Variants in PDE4B observed in about 807,000 individuals in gnomAD.
The protein encoded by PDE4B is 3',5'-cyclic-AMP phosphodiesterase 4B.
Under a neutral mutation model 82.2 loss-of-function variants are expected in PDE4B, and 20 were observed. That is an observed-to-expected ratio of 0.24 (90% CI 0.17 to 0.35). PDE4B has a LOEUF of 0.35. Ranked by LOEUF, PDE4B falls within the 10% of genes least tolerant of loss-of-function variation. The pLI is 1.00. For missense variants in PDE4B, 655 were observed against 907.2 expected, an observed-to-expected ratio of 0.72 and a Z score of 3.57; for synonymous variants, 320 against 318.9, an observed-to-expected ratio of 1.00 and a Z score of -0.04.
chr1:65,877,231 A>G (rs1386601150), intron 1 of PDE4B, among the ~76,000 whole-genome samples: 3 of 152,116 alleles, frequency 2.0e-5, no homozygotes, highest in Non-Finnish European at 4.4e-5. Flanking sequence ...AGAACAGAGG[A>G]CTCAGAAATA....
In PDE4B at chr1:65,913,344, G is replaced by A; in HGVS notation, c.30G>A (p.Val10=). 6.2e-7 allele frequency: 1 copy of A among 1,613,712 alleles called. No individual in the cohort carries two copies. The highest frequency in any genetic ancestry group is 8.5e-7 in the Non-Finnish European group (1 of 1,179,646). The change falls in exon 2 of 17, where the codon GTG becomes GTA. Residue 10 remains valine, a synonymous_variant. Coordinates refer to ENST00000341517, the MANE Select transcript of PDE4B (RefSeq NM_002600.4). ...AGAAAAGCAGGAGTGTGATGACGGTGATGGCTGATGATGTAAGTTTCAAAA... is the reference window on the plus strand; with the variant it reads ...AGAAAAGCAGGAGTGTGATGACGGTAATGGCTGATGATGTAAGTTTCAAAA... MKKSRSVMT[V]MADDNVKDYF... is the part of the protein sequence containing the mutation.
intron 3 of PDE4B, among the ~76,000 whole-genome samples, chr1:66,062,279 T>C (rs914521267): frequency 6.6e-6 from 1 of 152,126 alleles, no homozygotes; most frequent in Non-Finnish European, 1.5e-5. Flanking sequence ...AACTCATTGG[T>C]GCTAATCTTG....
At chr1:66,325,057 A>G (rs149874178) in intron 7 of PDE4B, among the ~76,000 whole-genome samples, 2 of 152,354 alleles carry the variant, frequency 1.3e-5, no homozygotes, top group African/African-American at 4.8e-5. Context: ...TTGCATAAAG[A>G]GATGCCAATT....
chr1:66,085,149 C>T (rs775885711), intron 3 of PDE4B, among the ~76,000 whole-genome samples: 5 of 152,170 alleles, frequency 3.3e-5, no homozygotes, highest in Non-Finnish European at 7.4e-5. Flanking sequence ...CATGCACATC[C>T]CTGTGCCCTA....
chr1:66,095,248 A>G (rs1393375838), intron 3 of PDE4B, among the ~76,000 whole-genome samples: 1 of 151,920 alleles, frequency 6.6e-6, no homozygotes. Context: ...TATAGCTTGC[A>G]ATCTTGAGCA....
intron 3 of PDE4B, among the ~76,000 whole-genome samples, chr1:65,934,380 A>G (rs142369426): frequency 2.2e-4 from 34 of 152,330 alleles, no homozygotes; most frequent in Admixed American, 9.8e-4. Flanking sequence ...TTAAGCCTAG[A>G]TAACAAAGAG....
At chr1:65,857,765 T>C (rs941769739) in intron 1 of PDE4B, among the ~76,000 whole-genome samples, 1 of 152,238 alleles carries the variant, frequency 6.6e-6, no homozygotes, top group African/African-American at 2.4e-5. Flanking sequence ...TCCAGATATA[T>C]TTGTTGGATA....
intron 3 of PDE4B, among the ~76,000 whole-genome samples, chr1:65,931,268 C>T (rs1200779334): frequency 2.0e-5 from 3 of 152,110 alleles, no homozygotes; most frequent in Non-Finnish European, 4.4e-5. Flanking sequence ...GAACAATGAG[C>T]GAATTAAACC....
intron 3 of PDE4B, among the ~76,000 whole-genome samples, chr1:66,098,824 T>C (rs969340010): frequency 3.3e-5 from 5 of 152,140 alleles, no homozygotes; most frequent in African/African-American, 9.6e-5. Context: ...TTTGCTCAGC[T>C]ATATTTCATT....
chr1:66,060,909 C>A (rs1292517526), intron 3 of PDE4B, among the ~76,000 whole-genome samples: 1 of 151,694 alleles, frequency 6.6e-6, no homozygotes, highest in Admixed American at 6.6e-5. Flanking sequence ...GTGGGGGTAT[C>A]TTTCTTGTAA....
intron 1 of PDE4B, among the ~76,000 whole-genome samples, chr1:65,804,615 G>A (rs1401960684): frequency 1.3e-5 from 2 of 152,098 alleles, no homozygotes; most frequent in Non-Finnish European, 2.9e-5. Context: ...GAAGATAGGG[G>A]AGAAATGAAG....
chr1:66,095,801 C>G (rs139806669), intron 3 of PDE4B, among the ~76,000 whole-genome samples: 290 of 151,994 alleles, frequency 1.9e-3, no homozygotes, highest in Admixed American at 3.3e-3. Flanking sequence ...TCGAGCTTCA[C>G]CTTCAAGTGT....
At chr1:66,188,682 G>C (rs1034497658) in intron 3 of PDE4B, among the ~76,000 whole-genome samples, 5 of 151,518 alleles carry the variant, frequency 3.3e-5, no homozygotes, top group African/African-American at 1.2e-4. Flanking sequence ...TTTTCCATTT[G>C]CTTGGTAGAT....
chr1:66,123,359 A>G (rs567238494), intron 3 of PDE4B, among the ~76,000 whole-genome samples: 1 of 152,178 alleles, frequency 6.6e-6, no homozygotes, highest in Non-Finnish European at 1.5e-5. Flanking sequence ...TGTCTGTCCA[A>G]CTTGCTTTCT....
chr1:65,968,226 C>A (rs1033301021), intron 3 of PDE4B, among the ~76,000 whole-genome samples: 23 of 152,132 alleles, frequency 1.5e-4, no homozygotes, highest in African/African-American at 5.5e-4. Context: ...TCCATTTACC[C>A]ATTTGTTAAA....
At chr1:66,304,084 T>C (rs1658098543) in intron 7 of PDE4B, among the ~76,000 whole-genome samples, 1 of 152,138 alleles carries the variant, frequency 6.6e-6, no homozygotes, top group Non-Finnish European at 1.5e-5. Flanking sequence ...TTTAACCTAG[T>C]ACCTACATGT....
intron 3 of PDE4B, among the ~76,000 whole-genome samples, chr1:66,033,151 C>T (rs1653882705): frequency 6.6e-6 from 1 of 151,888 alleles, no homozygotes; most frequent in Non-Finnish European, 1.5e-5. Flanking sequence ...TTTTAGTGGC[C>T]CATATGTTTA....
intron 2 of PDE4B, 121 bp from the exon 3 acceptor site, chr1:65,918,476 T>A: frequency 1.6e-6 from 1 of 636,282 alleles, no homozygotes; most frequent in Non-Finnish European, 2.8e-6. Context: ...AGATTCTGAT[T>A]GTGAGATAAT....
chr1:65,866,581 C>T (rs1177538138), intron 1 of PDE4B, among the ~76,000 whole-genome samples: 1 of 152,042 alleles, frequency 6.6e-6, no homozygotes, highest in Non-Finnish European at 1.5e-5. Context: ...AACTAACTGA[C>T]AAAATATGAA....
Sources: allele counts gnomAD v4.1 joint callset (sites outside exome capture counted in the v4.1 genomes callset), GRCh38; gene constraint gnomAD v4.1.1; transcripts MANE v1.5; gene names NCBI Gene and HGNC (gene_info 2026-07-23, HGNC 2026-07-21).